Variants in POU6F2 observed in about 807,000 individuals in gnomAD.
POU6F2 encodes POU class 6 homeobox 2.
Under a neutral mutation model 71.3 loss-of-function variants are expected in POU6F2, and 31 were observed. The ratio of observed to expected loss-of-function variants is 0.43; its 90% CI spans 0.33 to 0.59. The LOEUF (loss-of-function observed/expected upper bound fraction) is 0.59, where lower values mean the gene tolerates loss of function less well. Among genes scored for constraint, POU6F2 ranks in the 20% least tolerant of loss-of-function variants. POU6F2 has a pLI of 0.04. For missense variants in POU6F2, 783 were observed against 856.8 expected (o/e 0.91, Z 1.07); for synonymous variants, 347 against 355.7 (o/e 0.98, Z 0.27).
chr7:39,134,110 C>T (rs901747508), intron 2 of POU6F2, among the ~76,000 whole-genome samples: 2 of 152,088 alleles, frequency 1.3e-5, no homozygotes, highest in African/African-American at 4.8e-5. Context: ...TCCTGGGCTC[C>T]AGCAATCCTC....
chr7:39,099,632 C>A (rs144113534), intron 2 of POU6F2, among the ~76,000 whole-genome samples: 98 of 152,276 alleles, frequency 6.4e-4, no homozygotes, highest in African/African-American at 2.3e-3. Flanking sequence ...GTTTGAATCA[C>A]CACCCTTGAC....
intron 4 of POU6F2, among the ~76,000 whole-genome samples, chr7:39,210,905 A>G (rs1794129431): frequency 6.6e-6 from 1 of 152,168 alleles, no homozygotes. Flanking sequence ...TAAAAACCAT[A>G]GGTAGGGTGG....
At chr7:39,087,850 C>G (rs754552095) in intron 2 of POU6F2, among the ~76,000 whole-genome samples, 1 of 151,916 alleles carries the variant, frequency 6.6e-6, no homozygotes, top group South Asian at 2.1e-4. Context: ...GTTTAGGGTT[C>G]CCAGTGTTGA....
At chr7:39,307,974 G>A (rs897579550) in intron 4 of POU6F2, among the ~76,000 whole-genome samples, 3 of 151,774 alleles carry the variant, frequency 2.0e-5, no homozygotes, top group African/African-American at 7.3e-5. Flanking sequence ...AAAAAGAGTT[G>A]TAAGATTTAG....
chr7:39,370,019 T>C (rs1348774524), intron 5 of POU6F2, among the ~76,000 whole-genome samples: 1 of 152,130 alleles, frequency 6.6e-6, no homozygotes, highest in African/African-American at 2.4e-5. Context: ...GTTGAACACT[T>C]CATAGACTGA....
chr7:39,451,746 G>T lies in POU6F2; in HGVS notation c.1489+45G>T, dbSNP rs1249158604. The T allele has an allele frequency of 2.6e-6, 4 of 1,510,738 alleles. 1 individual carries two copies. In the Admixed American group the frequency reaches 7.9e-5, roughly 30 times the overall value. The allele number at this position is 1,510,738 out of a possible 1,614,324, so 93.6% of individuals were successfully genotyped here. ...CGGTTTAAATCGTGGTGGCCTTCTTGTTGCCTATTTGCAATGTCTTCCTTC... is the reference window on the plus strand; with the variant it reads ...CGGTTTAAATCGTGGTGGCCTTCTTTTTGCCTATTTGCAATGTCTTCCTTC... On this transcript the variant is annotated intron_variant, in intron 8 of 9. Coordinates refer to ENST00000518318, the MANE Select transcript of POU6F2 (RefSeq NM_001370959.1).
At chr7:39,227,267 ATTTTCCTTTTT>A (rs1794479399) in intron 4 of POU6F2, among the ~76,000 whole-genome samples, 1 of 149,538 alleles carries the variant, frequency 6.7e-6, no homozygotes, top group South Asian at 2.1e-4. Flanking sequence ...GTCCTCTTTT[ATTTTCCTTTTT>A]TTTTCCATCG....
At chr7:39,386,673 C>T (rs1231605193) in intron 5 of POU6F2, among the ~76,000 whole-genome samples, 2 of 152,168 alleles carry the variant, frequency 1.3e-5, no homozygotes, top group Non-Finnish European at 2.9e-5. Context: ...TAGAGTCCCA[C>T]TTTATTTTAT....
intron 1 of POU6F2, among the ~76,000 whole-genome samples, chr7:38,991,423 G>C (rs1158181404): frequency 1.3e-5 from 2 of 152,028 alleles, no homozygotes; most frequent in Non-Finnish European, 2.9e-5. Context: ...TTTTGATCTT[G>C]GTACAGTCTA....
intron 2 of POU6F2, among the ~76,000 whole-genome samples, chr7:39,189,976 C>T (rs1405109235): frequency 6.6e-6 from 1 of 151,872 alleles, no homozygotes; most frequent in Non-Finnish European, 1.5e-5. Context: ...TCACCAAAGC[C>T]CCGACTGCCC....
chr7:39,223,583 A>C (rs1275861916), intron 4 of POU6F2, among the ~76,000 whole-genome samples: 1 of 152,224 alleles, frequency 6.6e-6, no homozygotes. Flanking sequence ...GGAATTCAAC[A>C]GAGGACCTAA....
chr7:38,978,658 G>A (rs975410635), intron 1 of POU6F2, among the ~76,000 whole-genome samples: 1 of 152,166 alleles, frequency 6.6e-6, no homozygotes, highest in African/African-American at 2.4e-5. Context: ...AAAGGTCCAG[G>A]TGGTCTGCTC....
chr7:39,037,968 T>C (rs530570935), intron 1 of POU6F2, among the ~76,000 whole-genome samples: 106 of 152,090 alleles, frequency 7.0e-4, no homozygotes, highest in Non-Finnish European at 1.4e-3. Context: ...TTCAAATATA[T>C]AGCAGGTTTA....
chr7:39,170,378 G>A (rs1023243604), intron 2 of POU6F2, among the ~76,000 whole-genome samples: 4 of 152,028 alleles, frequency 2.6e-5, no homozygotes, highest in Non-Finnish European at 4.4e-5. Flanking sequence ...GCTGTATATT[G>A]GTTGCAATAA....
At chr7:38,980,988 A>G (rs1788302157) in intron 1 of POU6F2, among the ~76,000 whole-genome samples, 1 of 152,078 alleles carries the variant, frequency 6.6e-6, no homozygotes, top group African/African-American at 2.4e-5. Context: ...CAAGCAAGCA[A>G]TTAAGCAGTC....
chr7:39,149,808 CTT>C (rs2128733878), intron 2 of POU6F2, among the ~76,000 whole-genome samples: 1 of 151,908 alleles, frequency 6.6e-6, no homozygotes, highest in African/African-American at 2.4e-5. Context: ...TCAAGCAAAA[CTT>C]TTGTGTTTCT....
At chr7:39,095,350 A>G (rs1045891141) in intron 2 of POU6F2, among the ~76,000 whole-genome samples, 1 of 152,142 alleles carries the variant, frequency 6.6e-6, no homozygotes, top group Non-Finnish European at 1.5e-5. Flanking sequence ...TAATTTTCTA[A>G]CAAGCCAACT....
At chr7:39,043,192 G>A (rs1478248072) in intron 1 of POU6F2, among the ~76,000 whole-genome samples, 1 of 151,886 alleles carries the variant, frequency 6.6e-6, no homozygotes, top group Non-Finnish European at 1.5e-5. Context: ...TGTTTAACAT[G>A]ACACATTTAA....
chr7:39,384,678 C>T (rs949085072), intron 5 of POU6F2, among the ~76,000 whole-genome samples: 1 of 152,210 alleles, frequency 6.6e-6, no homozygotes, highest in Non-Finnish European at 1.5e-5. Flanking sequence ...CATTTCTAAA[C>T]TCTCACCTTC....
Sources: allele counts gnomAD v4.1 joint callset (sites outside exome capture counted in the v4.1 genomes callset), GRCh38; gene constraint gnomAD v4.1.1; transcripts MANE v1.5; gene names NCBI Gene and HGNC (gene_info 2026-07-23, HGNC 2026-07-21).